The following MALRD1 variants were observed in gnomAD, a reference collection of about 807,000 sequenced individuals.
The protein encoded by MALRD1 is MAM and LDL-receptor class A domain-containing protein 1.
In MALRD1, 247 loss-of-function variants were observed where a neutral mutation model predicts 242.1. The ratio of observed to expected loss-of-function variants is 1.02; its 90% CI spans 0.92 to 1.13. The LOEUF (loss-of-function observed/expected upper bound fraction) is 1.13. MALRD1 is among the 50% of genes most tolerant of loss of function. The pLI, the probability that MALRD1 is intolerant of heterozygous loss-of-function variation, is 0.00. For synonymous variants in MALRD1, 995 were observed against 866.6 expected, an observed-to-expected ratio of 1.15 and a Z score of -2.60; for missense variants, 2,989 against 2,533.1, an observed-to-expected ratio of 1.18 and a Z score of -3.86.
chr10:19,121,502 T>C (rs1037545951), intron 5 of MALRD1, among the ~76,000 whole-genome samples: 9 of 152,042 alleles, frequency 5.9e-5, no homozygotes, highest in African/African-American at 2.2e-4. Context: ...CTTTGAGAAG[T>C]TAGTTGGAGA....
chr10:19,088,600 T>A (rs1283734450), intron 4 of MALRD1, among the ~76,000 whole-genome samples: 1 of 106,704 alleles, frequency 9.4e-6, no homozygotes, highest in Non-Finnish European at 1.9e-5. Flanking sequence ...TTTTTTTTTA[T>A]TATACTCTAA....
At chr10:19,662,829 G>A in intron 36 of MALRD1, among the ~76,000 whole-genome samples, 1 of 152,068 alleles carries the variant, frequency 6.6e-6, no homozygotes, top group East Asian at 1.9e-4. Context: ...AAAACTCAGA[G>A]ATCACCCAGG....
intron 32 of MALRD1, among the ~76,000 whole-genome samples, chr10:19,550,585 A>G (rs1315162701): frequency 6.6e-6 from 1 of 152,152 alleles, no homozygotes; most frequent in Non-Finnish European, 1.5e-5. Flanking sequence ...TAAGTGTGAG[A>G]ACATGCGGTA....
intron 21 of MALRD1, among the ~76,000 whole-genome samples, chr10:19,305,040 G>A (rs1842104235): frequency 6.6e-6 from 1 of 151,644 alleles, no homozygotes; most frequent in Non-Finnish European, 1.5e-5. Flanking sequence ...TCCTTGAGCT[G>A]GAGTTGATTC....
chr10:19,718,387 G>A (rs1204695943), intron 38 of MALRD1, among the ~76,000 whole-genome samples: 1 of 152,296 alleles, frequency 6.6e-6, no homozygotes, highest in Middle Eastern at 3.4e-3. Flanking sequence ...AATGGCAGAA[G>A]GCAAAGCAGG....
rs1484448731 is a variant in MALRD1 at position 19,588,430 on chromosome 10, A to G, written c.5681-6764A>G. The stretch of plus-strand genomic sequence containing the variant: ...TCAAAGAGAGGTTAAAACCTGTCCA[A>G]TATGATTTGGAGTGTCCAAGCTCTA... On this transcript the variant is annotated intron_variant, in intron 33 of 39. Coordinates refer to ENST00000454679, the MANE Select transcript of MALRD1 (RefSeq NM_001142308.3). Among the ~76,000 whole-genome samples the G allele has an allele frequency of 4.6e-5, 7 of 152,198 alleles. No individual in the cohort carries two copies. In the East Asian group the frequency reaches 5.8e-4, roughly 13 times the overall value.
At chr10:19,520,453 C>T (rs1833828316) in intron 31 of MALRD1, among the ~76,000 whole-genome samples, 1 of 152,060 alleles carries the variant, frequency 6.6e-6, no homozygotes, top group Admixed American at 6.5e-5. Flanking sequence ...CTACTTTCTC[C>T]TTGTCTCATT....
At chr10:19,283,961 C>G (rs1040724710) in intron 21 of MALRD1, among the ~76,000 whole-genome samples, 3 of 152,210 alleles carry the variant, frequency 2.0e-5, no homozygotes, top group South Asian at 2.1e-4. Flanking sequence ...AAATAGAAAG[C>G]GCTGCAGATG....
intron 36 of MALRD1, among the ~76,000 whole-genome samples, chr10:19,639,454 C>T (rs1840290159): frequency 6.6e-6 from 1 of 152,168 alleles, no homozygotes; most frequent in East Asian, 1.9e-4. Flanking sequence ...GCAACATTTC[C>T]TCAGTTCACA....
At chr10:19,280,497 TA>T (rs1234764416) in intron 20 of MALRD1, among the ~76,000 whole-genome samples, 2 of 152,200 alleles carry the variant, frequency 1.3e-5, no homozygotes, top group African/African-American at 4.8e-5. Flanking sequence ...GAGTAGCATT[TA>T]GTAGCTCTTT....
At position 19,567,587 on chromosome 10, in the gene MALRD1, T is replaced by A; in HGVS notation, c.5564T>A (p.Val1855Glu). ...AGAACGGGATGGACATATGGCTCTG[T>A]GCCTCTCTCCAGTAACAGTCCGTTT... ...NKRTGWTYGS[V>E]PLSSNSPFKV... Residue 1855 changes from valine to glutamate, a missense_variant, in exon 33 of 40, where the codon GTG becomes GAG. Physicochemically the swap from Val to Glu is moderately radical, Grantham distance 121 (BLOSUM62 -2). Transcript: ENST00000454679. The A allele has an allele frequency of 6.4e-7, 1 of 1,550,580 alleles. No homozygotes were observed. Among genetic ancestry groups the A allele is most frequent in the Non-Finnish European group, 8.7e-7 (1 of 1,146,956 alleles).
intron 18 of MALRD1, among the ~76,000 whole-genome samples, chr10:19,220,495 A>C (rs1469982222): frequency 6.6e-6 from 1 of 152,240 alleles, no homozygotes; most frequent in African/African-American, 2.4e-5. Context: ...TAACTATTTC[A>C]TACCAATATC....
intron 18 of MALRD1, among the ~76,000 whole-genome samples, chr10:19,241,422 C>A (rs1838766837): frequency 6.6e-6 from 1 of 151,908 alleles, no homozygotes; most frequent in Non-Finnish European, 1.5e-5. Flanking sequence ...GTTGTAATGT[C>A]TCCTTTTTCA....
At chr10:19,491,126 G>C in intron 29 of MALRD1, 3 of 374,788 alleles carry the variant, frequency 8.0e-6, no homozygotes, top group Non-Finnish European at 1.1e-5. Context: ...AGATCACCAG[G>C]AGCATTACGA....
At chr10:19,299,149 A>T (rs185322048) in intron 21 of MALRD1, among the ~76,000 whole-genome samples, 1 of 152,128 alleles carries the variant, frequency 6.6e-6, no homozygotes, top group East Asian at 1.9e-4. Context: ...AATTTAAATG[A>T]ATATAGGCTA....
intron 10 of MALRD1, among the ~76,000 whole-genome samples, chr10:19,137,238 C>A (rs769574266): frequency 6.6e-6 from 1 of 151,686 alleles, no homozygotes; most frequent in Non-Finnish European, 1.5e-5. Flanking sequence ...GGGCAGCTAC[C>A]ATGATTGTAG....
chr10:19,183,655 G>A (rs11008836), intron 14 of MALRD1, among the ~76,000 whole-genome samples: 1 of 152,024 alleles, frequency 6.6e-6, no homozygotes, highest in East Asian at 1.9e-4. Context: ...TAAAAATTTA[G>A]GTCTTCAGTG....
chr10:19,227,606 A>C (rs1442857079), intron 18 of MALRD1, among the ~76,000 whole-genome samples: 1 of 152,092 alleles, frequency 6.6e-6, no homozygotes, highest in Non-Finnish European at 1.5e-5. Context: ...AAAAATAGTA[A>C]ATTGGACTTC....
intron 31 of MALRD1, among the ~76,000 whole-genome samples, chr10:19,506,607 C>T (rs2131273797): frequency 6.6e-6 from 1 of 151,962 alleles, no homozygotes; most frequent in African/African-American, 2.4e-5. Flanking sequence ...TTTCCATATA[C>T]ATGTATATAT....
Sources: gnomAD v4.1 joint callset for allele counts (sites outside exome capture counted in the v4.1 genomes callset) on GRCh38, gnomAD v4.1.1 for gene constraint, MANE v1.5 for transcripts, NCBI Gene and HGNC (gene_info 2026-07-23, HGNC 2026-07-21) for gene names.